Variants in NECTIN3 observed in about 807,000 individuals in gnomAD.
NECTIN3 encodes nectin-3.
Under a neutral mutation model 49.4 loss-of-function variants are expected in NECTIN3, and 8 were observed. The observed-to-expected ratio is 0.16, with a 90% CI of 0.10 to 0.29. The LOEUF (loss-of-function observed/expected upper bound fraction) is 0.29. Ranked by LOEUF, NECTIN3 falls within the 10% of genes least tolerant of loss-of-function variation. The pLI, the probability that NECTIN3 is intolerant of heterozygous loss-of-function variation, is 1.00. For missense variants in NECTIN3, 581 were observed against 654.6 expected, an observed-to-expected ratio of 0.89 and a Z score of 1.23; for synonymous variants, 277 against 241.1, an observed-to-expected ratio of 1.15 and a Z score of -1.38.
rs866078754 is a variant in NECTIN3 at position 111,134,268 on chromosome 3, C to T, written c.*53C>T. ...ACAATGTTCATTCACACTAGTTGAT[C>T]ATTTTCAGATTGTTCATACTTTTTC... On this transcript the variant is annotated 3_prime_UTR_variant, in exon 6 of 6. Transcript: ENST00000485303. The T allele has an allele frequency of 2.3e-5, 35 of 1,505,624 alleles. No individual in the cohort carries two copies. The Middle Eastern group carries it at 2.3e-3, about 98-fold the overall frequency. The allele number at this position is 1,505,624 out of a possible 1,614,324, so 93.3% of individuals were successfully genotyped here.
At chr3:111,091,070 G>A (rs965170265) in intron 1 of NECTIN3, among the ~76,000 whole-genome samples, 1 of 151,966 alleles carries the variant, frequency 6.6e-6, no homozygotes, top group Admixed American at 6.5e-5. Flanking sequence ...TATTTATAGA[G>A]TTATGCAGCT....
chr3:111,141,038 T>C (rs947422031), downstream of NECTIN3, among the ~76,000 whole-genome samples: 6 of 151,966 alleles, frequency 3.9e-5, no homozygotes, highest in Non-Finnish European at 7.4e-5. Context: ...TCCTGGCACT[T>C]AGCACAAGGC....
intron 2 of NECTIN3, among the ~76,000 whole-genome samples, chr3:111,118,179 A>G (rs2033768142): frequency 6.8e-6 from 1 of 146,538 alleles, no homozygotes; most frequent in African/African-American, 2.6e-5. Flanking sequence ...TAACATTTTA[A>G]CAGTAAGTCA....
At chr3:111,081,873 G>A (rs1052959422) in intron 1 of NECTIN3, among the ~76,000 whole-genome samples, 1 of 152,148 alleles carries the variant, frequency 6.6e-6, no homozygotes, top group Non-Finnish European at 1.5e-5. Flanking sequence ...TTGCTGAGGC[G>A]ATTAGACTGT....
At chr3:111,094,834 A>G (rs1464513622) in intron 1 of NECTIN3, among the ~76,000 whole-genome samples, 1 of 152,216 alleles carries the variant, frequency 6.6e-6, no homozygotes. Context: ...TCCTAGAAGG[A>G]AAGTAGTTAT....
At chr3:111,108,967 T>TTC (rs2033335945) in intron 1 of NECTIN3, among the ~76,000 whole-genome samples, 4 of 152,174 alleles carry the variant, frequency 2.6e-5, no homozygotes, top group Non-Finnish European at 5.9e-5. Flanking sequence ...AACAAAATAC[T>TTC]GTAAACTGGG....
In NECTIN3 at chr3:111,135,292, T is replaced by C. The variant is rs2034538591; in HGVS notation, c.*1077T>C. The stretch of plus-strand genomic sequence containing the variant: ...TATAGAATTAGTCGGTAACACTTGC[T>C]AATGGACATTGGCATTCATCTCCTT... On this transcript the variant is annotated 3_prime_UTR_variant, in exon 6 of 6. Transcript: ENST00000485303. The C allele has an allele frequency of 1.0e-6, 1 of 961,252 alleles. No individual in the cohort carries two copies. The highest frequency in any genetic ancestry group is 4.8e-5 in the South Asian group (1 of 20,790). 59.5% of individuals were successfully genotyped at this position (961,252 alleles called of 1,614,324 possible). A position where few individuals can be genotyped will look rare whatever the true frequency, so the allele number is the denominator to read the frequency against.
At chr3:111,101,988 G>A (rs1290180677) in intron 1 of NECTIN3, among the ~76,000 whole-genome samples, 1 of 152,094 alleles carries the variant, frequency 6.6e-6, no homozygotes, top group Non-Finnish European at 1.5e-5. Context: ...TAGCTTAAAT[G>A]TCACATCTAG....
At chr3:111,109,744 T>C (rs2033375912) in intron 1 of NECTIN3, among the ~76,000 whole-genome samples, 1 of 152,106 alleles carries the variant, frequency 6.6e-6, no homozygotes, top group African/African-American at 2.4e-5. Context: ...ATTTTCCCTC[T>C]TCAGTAGTCT....
At chr3:111,115,852 A>G (rs1430042782) in intron 2 of NECTIN3, among the ~76,000 whole-genome samples, 2 of 152,260 alleles carry the variant, frequency 1.3e-5, no homozygotes, top group East Asian at 1.9e-4. Context: ...GATTGGATAT[A>G]AGAAGTAAGG....
intron 2 of NECTIN3, among the ~76,000 whole-genome samples, chr3:111,114,149 TA>T (rs1237967997): frequency 1.1e-4 from 16 of 152,300 alleles, no homozygotes; most frequent in Admixed American, 6.5e-5. Flanking sequence ...GATTAGTCAT[TA>T]TGTTGTCCAC....
intron 1 of NECTIN3, among the ~76,000 whole-genome samples, chr3:111,088,493 A>G (rs1437653831): frequency 6.6e-6 from 1 of 152,158 alleles, no homozygotes; most frequent in African/African-American, 2.4e-5. Flanking sequence ...AAGAATTTTT[A>G]TCGTGACTAG....
intron 7 of NECTIN3, among the ~76,000 whole-genome samples, chr3:111,171,779 T>G (rs2035437616): frequency 6.6e-6 from 1 of 152,032 alleles, no homozygotes; most frequent in Non-Finnish European, 1.5e-5. Context: ...AAAAAAAAAT[T>G]AAGTTACAAT....
chr3:111,175,609 G>T (rs1477842), intron 7 of NECTIN3, among the ~76,000 whole-genome samples: 1 of 151,768 alleles, frequency 6.6e-6, no homozygotes, highest in Non-Finnish European at 1.5e-5. Context: ...TTAATTTTCA[G>T]TCCATTCACC....
rs944745245 is a variant in NECTIN3 at position 111,193,148 on chromosome 3, A to G, written c.63+735A>G. 2.1e-6 allele frequency: 3 copies of G among 1,460,876 alleles called. No individual in the cohort carries two copies. In the African/African-American group the frequency reaches 4.2e-5, roughly 21 times the overall value. 90.5% of individuals were successfully genotyped at this position (1,460,876 alleles called of 1,614,324 possible). Reference sequence around the variant, plus strand: ...ATTCTTGCCTGTTTTTACCAGTGCTAGAAAAATGCAAACAGCTGCTCTGCT... The same window carrying G: ...ATTCTTGCCTGTTTTTACCAGTGCTGGAAAAATGCAAACAGCTGCTCTGCT... On this transcript the variant is annotated intron_variant, in intron 1 of 1. Coordinates refer to the NECTIN3 transcript ENST00000485506.
chr3:111,111,873 G>A lies in NECTIN3; in HGVS notation c.161-157G>A, dbSNP rs939955573. On this transcript the variant is annotated intron_variant, in intron 1 of 5. Coordinates refer to ENST00000485303, the MANE Select transcript of NECTIN3 (RefSeq NM_015480.3). Reference sequence around the variant, plus strand: ...CAGTTGTACGTTTTGTGTGTGGTGCGTGTGAGTGCATGTGTGTGTGTGTGC... The same window carrying A: ...CAGTTGTACGTTTTGTGTGTGGTGCATGTGAGTGCATGTGTGTGTGTGTGC... 140 of 565,568 alleles carry A rather than the reference G, an allele frequency of 2.5e-4. 1 individual carries two copies. The highest frequency in any genetic ancestry group is 4.7e-4 in the Admixed American group (14 of 29,612). The allele number at this position is 565,568 out of a possible 1,614,324, so 35.0% of individuals were successfully genotyped here.
chr3:111,081,895 A>C (rs569124722), intron 1 of NECTIN3, among the ~76,000 whole-genome samples: 1 of 152,312 alleles, frequency 6.6e-6, no homozygotes, highest in South Asian at 2.1e-4. Context: ...GTAGCCACTG[A>C]GGAGCTTTTG....
upstream of NECTIN3, among the ~76,000 whole-genome samples, chr3:111,191,127 A>G (rs2035805725): frequency 6.6e-6 from 1 of 152,162 alleles, no homozygotes; most frequent in East Asian, 1.9e-4. Context: ...TTGACTGAAC[A>G]TCTATTTTCC....
chr3:111,072,284 T>C, intron 1 of NECTIN3, 107 bp downstream of exon 1: 1 of 1,454,600 alleles, frequency 6.9e-7, no homozygotes, highest in East Asian at 2.6e-5. Flanking sequence ...GGCGGTTGGT[T>C]GTGCGAGCGA....
Sources: allele counts gnomAD v4.1 joint callset (sites outside exome capture counted in the v4.1 genomes callset), GRCh38; gene constraint gnomAD v4.1.1; transcripts MANE v1.5; gene names NCBI Gene and HGNC (gene_info 2026-07-23, HGNC 2026-07-21).